The following SHB variants were observed in gnomAD, a reference collection of about 807,000 sequenced individuals.
The protein encoded by SHB is SH2 domain-containing adapter protein B.
SHB carries 20 observed loss-of-function variants against 52.3 expected under a neutral mutation model. The observed-to-expected ratio is 0.38, with a 90% CI of 0.27 to 0.56. SHB has a LOEUF of 0.56. Ranked by LOEUF, SHB falls within the 20% of genes least tolerant of loss-of-function variation. The pLI, the probability that SHB is intolerant of heterozygous loss-of-function variation, is 0.71. For synonymous variants in SHB, 397 were observed against 316.5 expected (o/e 1.25, Z -2.70); for missense variants, 825 against 723.3 (o/e 1.14, Z -1.61).
chr9:37,998,205 T>TGGAGGGAGGAGGGAGGAGGGA (rs56670029), intron 2 of SHB, among the ~76,000 whole-genome samples: 77 of 149,070 alleles, frequency 5.2e-4, no homozygotes, highest in African/African-American at 7.4e-4. Context: ...GCAGGCAGCT[T>TGGAGGGAGGAGGGAGGAGGGA]GGAGGGAGGA....
At chr9:38,064,107 C>A (rs79389125) in intron 1 of SHB, among the ~76,000 whole-genome samples, 1 of 146,750 alleles carries the variant, frequency 6.8e-6, no homozygotes, top group Admixed American at 6.7e-5. Flanking sequence ...TTTTTTTTTT[C>A]ATAAAGCACA....
chr9:37,920,035 A>G, intron 5 of SHB, 31 bp from the exon 6 acceptor site: 1 of 1,574,904 alleles, frequency 6.3e-7, no homozygotes, highest in Non-Finnish European at 8.7e-7. Flanking sequence ...TATCAGAACT[A>G]CCCCCCTGAC....
At chr9:37,928,788 G>T (rs1012250480) in intron 5 of SHB, among the ~76,000 whole-genome samples, 5 of 152,182 alleles carry the variant, frequency 3.3e-5, no homozygotes, top group Admixed American at 6.5e-5. Context: ...GACACAGAGC[G>T]GAATCTGCCA....
chr9:38,051,657 C>T (rs1490109273), intron 1 of SHB, among the ~76,000 whole-genome samples: 4 of 152,146 alleles, frequency 2.6e-5, no homozygotes, highest in Non-Finnish European at 5.9e-5. Context: ...CACAGTCACA[C>T]CACAGATGGC....
At chr9:38,036,243 T>C (rs922760856) in intron 1 of SHB, among the ~76,000 whole-genome samples, 1 of 152,186 alleles carries the variant, frequency 6.6e-6, no homozygotes, top group Non-Finnish European at 1.5e-5. Context: ...CATGGGGCAC[T>C]GCCCTCTCTC....
chr9:37,919,799 G>C lies in SHB; in HGVS notation c.*22C>G, dbSNP rs1832154088. Reference sequence around the variant, plus strand: ...CCTCCAAGTCTCAGGCTCTGTCACAGAGCAGGGCAGGTCTGGTCCGCTCAC... The same window carrying C: ...CCTCCAAGTCTCAGGCTCTGTCACACAGCAGGGCAGGTCTGGTCCGCTCAC... On this transcript the variant is annotated 3_prime_UTR_variant, in exon 6 of 6. Transcript: ENST00000377707. The C allele has an allele frequency of 6.2e-7, 1 of 1,606,104 alleles. No individual in the cohort carries two copies. The highest frequency in any genetic ancestry group is 8.5e-7 in the Non-Finnish European group (1 of 1,174,362).
Position 38,068,504 on chromosome 9 carries a change from A to G in SHB, c.142T>C (p.Ser48Pro). The G allele has an allele frequency of 6.7e-7, 1 of 1,488,694 alleles. No individual in the cohort carries two copies. The highest frequency in any genetic ancestry group is 8.9e-7 in the Non-Finnish European group (1 of 1,126,372). 92.2% of individuals were successfully genotyped at this position (1,488,694 alleles called of 1,614,324 possible). The change falls in exon 1 of 6, where the codon TCC (serine) becomes CCC (proline). Residue 48 changes from serine to proline, a missense_variant. By Grantham distance (74) the Ser-to-Pro change is moderately conservative. Coordinates refer to ENST00000377707, the MANE Select transcript of SHB (RefSeq NM_003028.3). Reference protein sequence around the residue: ...SQPPQAVPQASSAASASCGPA... With the variant: ...SQPPQAVPQAPSAASASCGPA... Reference sequence around the variant, plus strand: ...CCGCAGGACGCCGAGGCGGCGGAGGAGGCCTGCGGCACGGCCTGGGGGGGC... The same window carrying G: ...CCGCAGGACGCCGAGGCGGCGGAGGGGGCCTGCGGCACGGCCTGGGGGGGC...
chr9:38,059,813 T>A (rs1439286663), intron 1 of SHB, among the ~76,000 whole-genome samples: 3 of 152,210 alleles, frequency 2.0e-5, no homozygotes, highest in Admixed American at 2.0e-4. Flanking sequence ...CAGCTCTGCC[T>A]CTGCTGTGAG....
At chr9:37,947,623 G>GAA (rs1384101617) in intron 5 of SHB, among the ~76,000 whole-genome samples, 4 of 152,224 alleles carry the variant, frequency 2.6e-5, no homozygotes, top group African/African-American at 9.6e-5. Flanking sequence ...GCAAAGCCCA[G>GAA]AAGTTGTGGG....
intron 2 of SHB, among the ~76,000 whole-genome samples, chr9:37,994,615 C>T (rs1381488068): frequency 6.6e-6 from 1 of 152,166 alleles, no homozygotes; most frequent in African/African-American, 2.4e-5. Context: ...AATTTCATGG[C>T]GCTGTTTAAA....
In SHB at chr9:37,974,724, G is replaced by T. The variant is rs746039668; in HGVS notation, c.952C>A (p.Pro318Thr). 6 of 1,614,070 alleles carry T rather than the reference G, an allele frequency of 3.7e-6. No homozygotes were observed. Among genetic ancestry groups the T allele is most frequent in the Non-Finnish European group, 5.1e-6 (6 of 1,179,968 alleles). ...GGCAGCTTGCTCTCCCGCAGTCGGG[G>T]GCTGACTGTGCTCTCCGAGTCTGAG... is the stretch of plus-strand genomic sequence containing the variant. ...VDSDSESTVS[P>T]RLRESKLPQD... Residue 318 changes from proline (P) to threonine (T), a missense_variant, in exon 3 of 6, where the codon CCC becomes ACC. Coordinates refer to ENST00000377707, the MANE Select transcript of SHB (RefSeq NM_003028.3).
intron 4 of SHB, among the ~76,000 whole-genome samples, chr9:37,949,892 C>T (rs562727547): frequency 6.6e-6 from 1 of 152,240 alleles, no homozygotes; most frequent in African/African-American, 2.4e-5. Flanking sequence ...GCAGAGGGCC[C>T]GACTCATCCC....
At chr9:38,061,899 T>C (rs1821897884) in intron 1 of SHB, among the ~76,000 whole-genome samples, 1 of 152,208 alleles carries the variant, frequency 6.6e-6, no homozygotes, top group Non-Finnish European at 1.5e-5. Context: ...TGTGCAGCTG[T>C]CCCTTGGGAT....
intron 2 of SHB, among the ~76,000 whole-genome samples, chr9:38,001,942 CTT>C (rs918885920): frequency 6.6e-6 from 1 of 152,100 alleles, no homozygotes; most frequent in African/African-American, 2.4e-5. Flanking sequence ...TGGTGAGTGA[CTT>C]TCATCCACCC....
At chr9:38,042,862 C>T (rs964091273) in intron 1 of SHB, among the ~76,000 whole-genome samples, 9 of 152,156 alleles carry the variant, frequency 5.9e-5, no homozygotes, top group Admixed American at 5.9e-4. Flanking sequence ...TTCCCAGACT[C>T]CCTGCAGTCA....
In SHB at chr9:38,061,331, A is replaced by G. The variant is rs753433202; in HGVS notation, c.717+6598T>C. Among the ~76,000 whole-genome samples the G allele has an allele frequency of 2.6e-5, 4 of 151,944 alleles. 1 individual carries two copies. The Middle Eastern group carries it at 0.01, about 390-fold the overall frequency. ...TGTCTCAAAAAAAAAAAAAAAAAGA[A>G]ATAGAAAATACATCACCCCTACCAC... is the stretch of plus-strand genomic sequence containing the variant. On this transcript the variant is annotated intron_variant, in intron 1 of 5. Coordinates refer to ENST00000377707, the MANE Select transcript of SHB (RefSeq NM_003028.3).
In SHB at chr9:38,068,541, C is replaced by T. The variant is rs755253281; in HGVS notation, c.105G>A (p.Glu35=). 1 of 1,449,544 alleles carries T rather than the reference C, an allele frequency of 6.9e-7. No individual in the cohort carries two copies. The highest frequency in any genetic ancestry group is 9.0e-7 in the Non-Finnish European group (1 of 1,113,036). 89.8% of individuals were successfully genotyped at this position (1,449,544 alleles called of 1,614,324 possible). Residue 35 remains glutamate, a synonymous_variant, in exon 1 of 6, where the codon GAG becomes GAA. Transcript: ENST00000377707. ...CGGCCTGGGGGGGCTGCGAAGGCCG[C>T]TCGCCTCGGCGCCGCTGCTCGCGGT... ...PDYREQRRRG[E]RPSQPPQAVP...
intron 2 of SHB, among the ~76,000 whole-genome samples, chr9:37,975,439 T>C (rs1236607859): frequency 6.6e-6 from 1 of 152,170 alleles, no homozygotes; most frequent in Non-Finnish European, 1.5e-5. Flanking sequence ...TGAATTTATT[T>C]AGGGATTTGA....
At chr9:38,036,120 A>C (rs1206762420) in intron 1 of SHB, among the ~76,000 whole-genome samples, 8 of 152,170 alleles carry the variant, frequency 5.3e-5, no homozygotes, top group Non-Finnish European at 8.8e-5. Flanking sequence ...AGACAGGCCC[A>C]AACTCCTGTT....
Sources: allele counts gnomAD v4.1 joint callset (sites outside exome capture counted in the v4.1 genomes callset), GRCh38; gene constraint gnomAD v4.1.1; transcripts MANE v1.5; gene names NCBI Gene and HGNC (gene_info 2026-07-23, HGNC 2026-07-21).